Variants in SLC4A7 observed in about 807,000 individuals in gnomAD.
SLC4A7 encodes sodium bicarbonate cotransporter 3.
SLC4A7 carries 51 observed loss-of-function variants against 137.6 expected under a neutral mutation model. The ratio of observed to expected loss-of-function variants is 0.37; its 90% CI spans 0.30 to 0.47. The LOEUF (loss-of-function observed/expected upper bound fraction) is 0.47, where lower values mean the gene tolerates loss of function less well. Among genes scored for constraint, SLC4A7 ranks in the 20% least tolerant of loss-of-function variants. The pLI, the probability that SLC4A7 is intolerant of heterozygous loss-of-function variation, is 1.00. For missense variants in SLC4A7, 1,247 were observed against 1,525.4 expected (o/e 0.82, Z 3.04); for synonymous variants, 542 against 518.6 (o/e 1.05, Z -0.61).
chr3:27,403,458 A>G (rs986899201), intron 14 of SLC4A7, 74 bp from the exon 15 acceptor site: 49 of 964,310 alleles, frequency 5.1e-5, no homozygotes, highest in Non-Finnish European at 7.1e-5. Context: ...TTTCATTGCA[A>G]GCAATGGGAA....
intron 3 of SLC4A7, among the ~76,000 whole-genome samples, chr3:27,444,405 TC>T (rs1044942389): frequency 8.4e-4 from 128 of 152,356 alleles, no homozygotes; most frequent in African/African-American, 2.5e-3. Flanking sequence ...AAGTATCTTT[TC>T]TGATATCCTC....
At chr3:27,479,130 G>T (rs1350602556) in intron 1 of SLC4A7, among the ~76,000 whole-genome samples, 1 of 151,806 alleles carries the variant, frequency 6.6e-6, no homozygotes, top group African/African-American at 2.4e-5. Context: ...GAAAAGATGT[G>T]TTGGCAAGAT....
chr3:27,387,571 T>G (rs73821976), intron 22 of SLC4A7, among the ~76,000 whole-genome samples: 4,849 of 152,308 alleles, frequency 0.032, 264 homozygotes, highest in African/African-American at 0.11. Context: ...ACTGCAAGTT[T>G]TATAATATGA....
intron 1 of SLC4A7, among the ~76,000 whole-genome samples, chr3:27,482,828 A>G (rs989095366): frequency 1.3e-5 from 2 of 152,166 alleles, no homozygotes; most frequent in Non-Finnish European, 2.9e-5. Context: ...GTATTCCATT[A>G]CCATCACTGT....
intron 8 of SLC4A7, 24 bp from the exon 9 acceptor site, chr3:27,421,803 A>G (rs2055006681): frequency 6.3e-7 from 1 of 1,581,900 alleles, no homozygotes; most frequent in Non-Finnish European, 8.6e-7. Context: ...AATAATTAAA[A>G]ATAAAGTTTC....
At chr3:27,429,726 C>T (rs2056070998) in intron 7 of SLC4A7, among the ~76,000 whole-genome samples, 2 of 151,592 alleles carry the variant, frequency 1.3e-5, no homozygotes, top group Admixed American at 6.6e-5. Flanking sequence ...TGGCACGCGC[C>T]GTAATCCCAG....
At chr3:27,406,339 A>G (rs2053353372) in intron 13 of SLC4A7, among the ~76,000 whole-genome samples, 1 of 152,250 alleles carries the variant, frequency 6.6e-6, no homozygotes, top group Admixed American at 6.5e-5. Context: ...TCTCATCATC[A>G]GCTAGAACAG....
At chr3:27,458,366 A>G (rs2058518698) in intron 1 of SLC4A7, among the ~76,000 whole-genome samples, 1 of 152,314 alleles carries the variant, frequency 6.6e-6, no homozygotes, top group Admixed American at 6.5e-5. Flanking sequence ...CGTGCACTAA[A>G]TAAGTAGCAA....
intron 22 of SLC4A7, among the ~76,000 whole-genome samples, chr3:27,389,304 T>C (rs1196825871): frequency 6.6e-6 from 1 of 152,120 alleles, no homozygotes; most frequent in Non-Finnish European, 1.5e-5. Context: ...TTTCCAAATA[T>C]TTAAGATTAT....
intron 1 of SLC4A7, chr3:27,456,857 G>C: frequency 7.2e-7 from 1 of 1,380,678 alleles, no homozygotes; most frequent in Non-Finnish European, 9.3e-7. Flanking sequence ...AATCTTCCAA[G>C]CTAATAACTA....
chr3:27,454,293 C>T (rs2058272436), intron 1 of SLC4A7, among the ~76,000 whole-genome samples: 1 of 152,040 alleles, frequency 6.6e-6, no homozygotes, highest in Admixed American at 6.6e-5. Context: ...TGGCAAAACC[C>T]CATCTCTACT....
chr3:27,397,960 A>G (rs3736311), intron 17 of SLC4A7, 163 bp from the exon 18 acceptor site: 97,889 of 616,278 alleles, frequency 0.16, 8,709 homozygotes, highest in South Asian at 0.27. Context: ...ATTCTTTCCA[A>G]AAATATAAGA....
At position 27,377,203 on chromosome 3, in the gene SLC4A7, T is replaced by C. The variant is rs2149986620; in HGVS notation, c.3699-358A>G. 1.3e-5 allele frequency among the ~76,000 whole-genome samples: 2 copies of C among 152,202 alleles called. 1 individual carries two copies. Among genetic ancestry groups the C allele is most frequent in the South Asian group, 4.1e-4 (2 of 4,828 alleles). The stretch of plus-strand genomic sequence containing the variant: ...ACTTTTACTGAAAAATCTATTAATA[T>C]ATGAATCTTTGTTAATATAGATAGG... On this transcript the variant is annotated intron_variant, in intron 25 of 25. Coordinates refer to ENST00000454389, the MANE Select transcript of SLC4A7 (RefSeq NM_001321103.2).
intron 1 of SLC4A7, among the ~76,000 whole-genome samples, chr3:27,474,655 G>A (rs2059391904): frequency 6.6e-6 from 1 of 152,148 alleles, no homozygotes; most frequent in South Asian, 2.1e-4. Context: ...ATGAGATCAC[G>A]CCATTGCACT....
chr3:27,437,469 T>C lies in SLC4A7; in HGVS notation c.347A>G (p.His116Arg), dbSNP rs1257011424. 1.9e-6 allele frequency: 3 copies of C among 1,597,948 alleles called. No homozygotes were observed. The highest frequency in any genetic ancestry group is 2.3e-5 in the East Asian group (1 of 44,172). ...ILGTEDDDEEHIPHDLFTEMD... is the reference protein window; with the variant it reads ...ILGTEDDDEERIPHDLFTEMD... ...TTCCGTGAAGAGATCATGGGGAATA[T>C]GTTCTTCATCATCATCTTCAGTACC... is the stretch of plus-strand genomic sequence containing the variant. Residue 116 changes from histidine to arginine, a missense_variant, in exon 4 of 26, where the codon CAT (histidine) becomes CGT (arginine). By Grantham distance (29) the His-to-Arg change is conservative. Transcript: ENST00000454389.
rs1392664217 is a variant in SLC4A7 at position 27,403,147 on chromosome 3, G to A, written c.2313C>T (p.Thr771=). The change falls in exon 15 of 26, where the codon ACC becomes ACT. Residue 771 remains threonine, a synonymous_variant. Coordinates refer to ENST00000454389, the MANE Select transcript of SLC4A7 (RefSeq NM_001321103.2). Reference sequence around the variant, plus strand: ...AAAAGAGAAATACTTACGAGTAGCTGGTCAGTTTATCTAAGTTGTTGTGCA... The same window carrying A: ...AAAAGAGAAATACTTACGAGTAGCTAGTCAGTTTATCTAAGTTGTTGTGCA... The part of the protein sequence containing the change: ...FNMHNNLDKL[T]SYSCVCTEPP... The A allele has an allele frequency of 6.2e-7, 1 of 1,604,522 alleles. No individual in the cohort carries two copies. The highest frequency in any genetic ancestry group is 8.5e-7 in the Non-Finnish European group (1 of 1,176,960).
At chr3:27,422,122 T>G (rs142293654) in intron 8 of SLC4A7, among the ~76,000 whole-genome samples, 10 of 152,296 alleles carry the variant, frequency 6.6e-5, no homozygotes, top group Admixed American at 6.5e-4. Context: ...TTATACACAG[T>G]GCTAAAAAAT....
At chr3:27,466,728 G>A (rs1458619009) in intron 1 of SLC4A7, among the ~76,000 whole-genome samples, 9 of 151,994 alleles carry the variant, frequency 5.9e-5, no homozygotes, top group Non-Finnish European at 5.9e-5. Context: ...GTGCTGGTGC[G>A]CGCCTGTAGT....
intron 20 of SLC4A7, among the ~76,000 whole-genome samples, chr3:27,392,923 T>C (rs2051726019): frequency 6.6e-6 from 1 of 152,000 alleles, no homozygotes; most frequent in Non-Finnish European, 1.5e-5. Context: ...TAAAATTTTG[T>C]AGTAATAATT....
Sources: allele counts gnomAD v4.1 joint callset (sites outside exome capture counted in the v4.1 genomes callset), GRCh38; gene constraint gnomAD v4.1.1; transcripts MANE v1.5; gene names NCBI Gene and HGNC (gene_info 2026-07-23, HGNC 2026-07-21).